The following POU2F1 variants were observed in gnomAD, a reference collection of about 807,000 sequenced individuals.
The protein encoded by POU2F1 is POU domain, class 2, transcription factor 1.
POU2F1 carries 16 observed loss-of-function variants against 84.9 expected under a neutral mutation model. The ratio of observed to expected loss-of-function variants is 0.19; its 90% CI spans 0.13 to 0.29. POU2F1 has a LOEUF of 0.29. Among genes scored for constraint, POU2F1 ranks in the 10% least tolerant of loss-of-function variants. POU2F1 has a pLI of 1.00. For missense variants in POU2F1, 738 were observed against 942.6 expected (o/e 0.78, Z 2.84); for synonymous variants, 368 against 368.3 (o/e 1.00, Z 0.01).
Position 167,416,515 on chromosome 1 carries a change from C to A in POU2F1, c.*705C>A, listed in dbSNP as rs1389713395. The A allele has an allele frequency of 6.4e-6, 1 of 156,652 alleles. No individual in the cohort carries two copies. Among genetic ancestry groups the A allele is most frequent in the African/African-American group, 2.4e-5 (1 of 41,468 alleles). 9.7% of individuals were successfully genotyped at this position (156,652 alleles called of 1,614,324 possible). On this transcript the variant is annotated 3_prime_UTR_variant, in exon 16 of 16. Transcript: ENST00000367866. Reference sequence around the variant, plus strand: ...TTTGGGGTAAGGGGAGACTTCTGTTCTTAACTGTGGGGAATGTTCTTGCTG... The same window carrying A: ...TTTGGGGTAAGGGGAGACTTCTGTTATTAACTGTGGGGAATGTTCTTGCTG...
At chr1:167,389,894 T>C (rs1648271557) in intron 9 of POU2F1, 133 bp downstream of exon 9, 1 of 965,012 alleles carries the variant, frequency 1.0e-6, no homozygotes, top group Admixed American at 2.3e-5. Flanking sequence ...CGAAAAAGGA[T>C]GGTCATGTCT....
intron 2 of POU2F1, among the ~76,000 whole-genome samples, chr1:167,359,361 CT>C (rs1571365191): frequency 6.6e-6 from 1 of 152,130 alleles, no homozygotes; most frequent in East Asian, 1.9e-4. Context: ...TCCCTTCCCC[CT>C]TTTGGAATCC....
At chr1:167,287,398 C>A (rs992756989) in intron 1 of POU2F1, among the ~76,000 whole-genome samples, 3 of 152,146 alleles carry the variant, frequency 2.0e-5, no homozygotes, top group Non-Finnish European at 4.4e-5. Flanking sequence ...TCTCATATTC[C>A]TCCAGATTAA....
chr1:167,340,139 G>T (rs1033755320), intron 2 of POU2F1, among the ~76,000 whole-genome samples: 16 of 152,122 alleles, frequency 1.1e-4, no homozygotes, highest in Non-Finnish European at 1.5e-5. Flanking sequence ...GAGTGCAATG[G>T]CACGATCCTG....
chr1:167,405,146 C>A lies in POU2F1; in HGVS notation c.1555+3590C>A, dbSNP rs2101927181. Among the ~76,000 whole-genome samples the A allele has an allele frequency of 1.3e-5, 2 of 152,222 alleles. 1 individual carries two copies. The highest frequency in any genetic ancestry group is 4.1e-4 in the South Asian group (2 of 4,826). ...TGTGTCTCAAAAACTTGTAAAAATT[C>A]CACAGCCCTTAATAATCTCAACCAA... On this transcript the variant is annotated intron_variant, in intron 13 of 15. Coordinates refer to ENST00000367866, the MANE Select transcript of POU2F1 (RefSeq NM_002697.4).
intron 12 of POU2F1, among the ~76,000 whole-genome samples, chr1:167,399,729 A>C (rs1444304578): frequency 6.6e-6 from 1 of 151,956 alleles, no homozygotes; most frequent in Non-Finnish European, 1.5e-5. Context: ...GCTGGAGTGC[A>C]TTGGTGCGAT....
At chr1:167,254,562 A>G (rs1650989727) in intron 1 of POU2F1, among the ~76,000 whole-genome samples, 1 of 152,214 alleles carries the variant, frequency 6.6e-6, no homozygotes, top group African/African-American at 2.4e-5. Context: ...AGGCAGTATT[A>G]ATTTTACTCA....
intron 1 of POU2F1, among the ~76,000 whole-genome samples, chr1:167,330,412 G>A (rs1657003124): frequency 6.6e-6 from 1 of 152,058 alleles, no homozygotes; most frequent in African/African-American, 2.4e-5. Flanking sequence ...GTGAATGACA[G>A]AAACAACAAA....
rs1203811424 is a variant in POU2F1, at chr1:167,310,977, G to T, written c.62-21493G>T. ...AAAGAGAAAAGAGAACAAATAATCA[G>T]TGGACCCTCAGGGACCTTTAGGACT... is the stretch of plus-strand genomic sequence containing the variant. On this transcript the variant is annotated intron_variant, in intron 1 of 15. Coordinates refer to ENST00000367866, the MANE Select transcript of POU2F1 (RefSeq NM_002697.4). Among the ~76,000 whole-genome samples the T allele has an allele frequency of 4.6e-5, 7 of 152,248 alleles. No homozygotes were observed. The East Asian group carries it at 1.2e-3, about 25-fold the overall frequency.
At chr1:167,361,683 A>T (rs895142250) in intron 2 of POU2F1, among the ~76,000 whole-genome samples, 1 of 152,088 alleles carries the variant, frequency 6.6e-6, no homozygotes, top group African/African-American at 2.4e-5. Context: ...TGCTGCTTTC[A>T]TAGAAGAAGT....
intron 1 of POU2F1, among the ~76,000 whole-genome samples, chr1:167,231,866 TG>T (rs1274589617): frequency 6.6e-6 from 1 of 152,166 alleles, no homozygotes; most frequent in Non-Finnish European, 1.5e-5. Flanking sequence ...GTTCAAGAAC[TG>T]GGAGTGAGAA....
chr1:167,282,717 C>T (rs182267572), intron 1 of POU2F1, among the ~76,000 whole-genome samples: 145 of 152,180 alleles, frequency 9.5e-4, no homozygotes, highest in African/African-American at 3.5e-3. Context: ...TACTGCTTTC[C>T]CTTGTTTCTA....
intron 1 of POU2F1, chr1:167,303,669 T>TA (rs1465586726): frequency 6.6e-6 from 1 of 152,332 alleles, no homozygotes; most frequent in Non-Finnish European, 1.5e-5. Context: ...GAATGACTAT[T>TA]AAAATGACTT....
chr1:167,320,141 A>T (rs887325758), intron 1 of POU2F1, among the ~76,000 whole-genome samples: 3 of 150,330 alleles, frequency 2.0e-5, no homozygotes, highest in Non-Finnish European at 4.4e-5. Context: ...TCAGCTGCTC[A>T]TCTGTTTGGA....
At chr1:167,223,868 C>CA (rs1369761834) in intron 1 of POU2F1, among the ~76,000 whole-genome samples, 3 of 152,128 alleles carry the variant, frequency 2.0e-5, no homozygotes, top group Non-Finnish European at 4.4e-5. Context: ...ACCCGATTCC[C>CA]AAGATGTGGT....
chr1:167,266,819 A>G (rs141753064), intron 1 of POU2F1, among the ~76,000 whole-genome samples: 120 of 151,946 alleles, frequency 7.9e-4, no homozygotes, highest in Non-Finnish European at 1.6e-3. Context: ...AGATGGGGTT[A>G]TATCGTGTTG....
chr1:167,398,039 A>T lies in POU2F1; in HGVS notation c.1175A>T (p.Asn392Ile). 6.2e-7 allele frequency: 1 copy of T among 1,614,040 alleles called. No homozygotes were observed. The highest frequency in any genetic ancestry group is 8.5e-7 in the Non-Finnish European group (1 of 1,179,924). ...DSSLSSPSAL[N>I]SPGIEGLSRR... is the part of the protein sequence containing the mutation. Reference sequence around the variant, plus strand: ...TCCCTCTCCAGCCCAAGTGCCCTGAATTCTCCAGGAATTGAGGGCTTGAGC... The same window carrying T: ...TCCCTCTCCAGCCCAAGTGCCCTGATTTCTCCAGGAATTGAGGGCTTGAGC... Residue 392 changes from asparagine (N) to isoleucine (I), a missense_variant, in exon 11 of 16, where the codon AAT (asparagine) becomes ATT (isoleucine). Physicochemically the swap from Asn to Ile is moderately radical, Grantham distance 149 (BLOSUM62 -3). Coordinates refer to ENST00000367866, the MANE Select transcript of POU2F1 (RefSeq NM_002697.4).
At chr1:167,382,817 C>T (rs1647663534) in intron 7 of POU2F1, among the ~76,000 whole-genome samples, 1 of 152,124 alleles carries the variant, frequency 6.6e-6, no homozygotes, top group Admixed American at 6.5e-5. Context: ...TTGTGACCTA[C>T]ATTATGAAAT....
At chr1:167,368,156 C>T (rs1422736167) in intron 3 of POU2F1, among the ~76,000 whole-genome samples, 1 of 152,186 alleles carries the variant, frequency 6.6e-6, no homozygotes, top group East Asian at 1.9e-4. Context: ...TCTGTTAAGT[C>T]TTCTTCAATC....
Sources: gnomAD v4.1 joint callset for allele counts (sites outside exome capture counted in the v4.1 genomes callset) on GRCh38, gnomAD v4.1.1 for gene constraint, MANE v1.5 for transcripts, NCBI Gene and HGNC (gene_info 2026-07-23, HGNC 2026-07-21) for gene names.